FGF21: variants seen among roughly 807,000 people sequenced by gnomAD.
FGF21 encodes fibroblast growth factor 21.
A neutral mutation model predicts 13.4 loss-of-function variants in FGF21; 13 were observed. The observed-to-expected ratio is 0.97, with a 90% CI of 0.63 to 1.54. The LOEUF (loss-of-function observed/expected upper bound fraction) is 1.54. Among genes scored for constraint, FGF21 ranks in the 40% most tolerant of loss-of-function variants. The probability of loss-of-function intolerance (pLI) is 0.00; values close to 1 mark genes in which losing one functional copy is unlikely to be tolerated. For synonymous variants in FGF21, 124 were observed against 123.6 expected (o/e 1.00, Z -0.02); for missense variants, 303 against 272.4 (o/e 1.11, Z -0.79).
chr19:48,758,213 C>T lies in FGF21; in HGVS notation c.623C>T (p.Ala208Val). The change falls in exon 4 of 4, where the codon GCT (alanine) becomes GTT (valine). Residue 208 changes from alanine (A) to valine (V), a missense_variant. By Grantham distance (64) the Ala-to-Val change is moderately conservative (BLOSUM62 0). Transcript: ENST00000593756. ...GPSQGRSPSYAS is the reference protein window; with the variant it reads ...GPSQGRSPSYVS ...TCCCAGGGCCGAAGCCCCAGCTACG[C>T]TTCCTGAAGCCAGAGGCTGTTTACT... 1.2e-6 allele frequency: 2 copies of T among 1,605,390 alleles called. No homozygotes were observed. The highest frequency in any genetic ancestry group is 1.7e-6 in the Non-Finnish European group (2 of 1,177,348).
chr19:48,756,248 C>T lies in FGF21; in HGVS notation c.12C>T (p.Asp4=), dbSNP rs41308770. 272 of 1,613,334 alleles carry T rather than the reference C, an allele frequency of 1.7e-4. 1 individual carries two copies. In the Admixed American group the frequency reaches 2.9e-3, roughly 17 times the overall value. MDS[D]ETGFEHSGLW... is the part of the protein sequence containing the mutation. ...GACCCGAGCCATTGATGGACTCGGA[C>T]GAGACCGGGTTCGAGCACTCAGGAC... is the stretch of plus-strand genomic sequence containing the variant. The change falls in exon 2 of 4, where the codon GAC becomes GAT. Residue 4 remains aspartate (D), a synonymous_variant. Coordinates refer to ENST00000593756, the MANE Select transcript of FGF21 (RefSeq NM_019113.4).
In FGF21 at chr19:48,756,062, A is replaced by G. The variant is rs919670317; in HGVS notation, c.-175A>G. The G allele has an allele frequency of 1.3e-5, 8 of 601,068 alleles. No individual in the cohort carries two copies. Among genetic ancestry groups the G allele is most frequent in the African/African-American group, 3.7e-5 (2 of 53,850 alleles). The allele number at this position is 601,068 out of a possible 1,614,324, so 37.2% of individuals were successfully genotyped here. ...TGGGTATAAATTCTGGAGCTTCTGCATCTATCCCAAAAAACAAGGGTGTTC... is the reference window on the plus strand; with the variant it reads ...TGGGTATAAATTCTGGAGCTTCTGCGTCTATCCCAAAAAACAAGGGTGTTC... On this transcript the variant is annotated 5_prime_UTR_variant, in exon 2 of 4. Transcript: ENST00000593756.
At position 48,757,117 on chromosome 19, in the gene FGF21, C is replaced by A. The variant is rs1048223290; in HGVS notation, c.339+88C>A. 3.5e-4 allele frequency: 340 copies of A among 957,794 alleles called. 1 individual carries two copies. The highest frequency in any genetic ancestry group is 6.8e-5 in the Non-Finnish European group (41 of 606,174). The allele number at this position is 957,794 out of a possible 1,614,324, so 59.3% of individuals were successfully genotyped here. On this transcript the variant is annotated intron_variant, in intron 3 of 3. Coordinates refer to ENST00000593756, the MANE Select transcript of FGF21 (RefSeq NM_019113.4). ...TGGGGTGCCTTGTCTTGCTCATCCC[C>A]CCCGGAGCCAGACTTGATTCTATTT...
In FGF21 at chr19:48,758,054, A is replaced by T. The variant is rs371046094; in HGVS notation, c.464A>T (p.Asp155Val). Residue 155 changes from aspartate to valine, a missense_variant, in exon 4 of 4, where the codon GAC (aspartate) becomes GTC (valine). Coordinates refer to ENST00000593756, the MANE Select transcript of FGF21 (RefSeq NM_019113.4). Reference sequence around the variant, plus strand: ...CCAGGGAACAAGTCCCCACACCGGGACCCTGCACCCCGAGGACCAGCTCGC... The same window carrying T: ...CCAGGGAACAAGTCCCCACACCGGGTCCCTGCACCCCGAGGACCAGCTCGC... Reference protein sequence around the residue: ...HLPGNKSPHRDPAPRGPARFL... With the variant: ...HLPGNKSPHRVPAPRGPARFL... 4 of 1,613,050 alleles carry T rather than the reference A, an allele frequency of 2.5e-6. No individual in the cohort carries two copies. The highest frequency in any genetic ancestry group is 3.4e-6 in the Non-Finnish European group (4 of 1,179,756).
intron 3 of FGF21, 102 bp downstream of exon 3, chr19:48,757,131 T>G (rs1253881440): frequency 4.9e-6 from 4 of 818,752 alleles, no homozygotes; most frequent in Non-Finnish European, 8.2e-6. Context: ...GGAGCCAGAC[T>G]TGATTCTATT....
At chr19:48,756,511 C>T (rs1226869061) in intron 2 of FGF21, 40 bp downstream of exon 2, 2 of 1,569,550 alleles carry the variant, frequency 1.3e-6, no homozygotes, top group African/African-American at 2.7e-5. Flanking sequence ...GGAGGAGGGG[C>T]TGTGGGTCTG....
At chr19:48,757,883 CAGGAAAACAG>C in intron 3 of FGF21, 37 bp from the exon 4 acceptor site, 1 of 1,503,730 alleles carries the variant, frequency 6.7e-7, no homozygotes, top group Non-Finnish European at 8.9e-7. Flanking sequence ...GGTCTTACAT[CAGGAAAACAG>C]AGGAACCCTG....
rs147466868 is a variant in FGF21, at chr19:48,757,966, C to T, written c.376C>T (p.Leu126=). The change falls in exon 4 of 4, where the codon CTG becomes TTG. Residue 126 remains leucine (L), a synonymous_variant. Transcript: ENST00000593756. ...FDPEACSFRE[L]LLEDGYNVYQ... ...CCCTGAGGCCTGCAGCTTCCGGGAG[C>T]TGCTTCTTGAGGACGGATACAATGT... The T allele has an allele frequency of 4.4e-6, 7 of 1,592,578 alleles. No homozygotes were observed. In the African/African-American group the frequency reaches 9.4e-5, roughly 21 times the overall value.
chr19:48,756,450 G>C lies in FGF21; in HGVS notation c.214G>C (p.Ala72Pro). Reference sequence around the variant, plus strand: ...CAGGGAGGATGGGACGGTGGGGGGCGCTGCTGACCAGAGCCCCGAAAGTGA... The same window carrying C: ...CAGGGAGGATGGGACGGTGGGGGGCCCTGCTGACCAGAGCCCCGAAAGTGA... ...EIREDGTVGGAADQSPESLLQ... is the reference protein window; with the variant it reads ...EIREDGTVGGPADQSPESLLQ... The change falls in exon 2 of 4, where the codon GCT (alanine) becomes CCT (proline). Residue 72 changes from alanine (A) to proline (P), a missense_variant. Physicochemically the swap from Ala to Pro is conservative, Grantham distance 27. Coordinates refer to ENST00000593756, the MANE Select transcript of FGF21 (RefSeq NM_019113.4). The C allele has an allele frequency of 6.2e-7, 1 of 1,613,058 alleles. No individual in the cohort carries two copies. The highest frequency in any genetic ancestry group is 8.5e-7 in the Non-Finnish European group (1 of 1,179,854).
intron 2 of FGF21, among the ~76,000 whole-genome samples, 179 bp from the exon 3 acceptor site, chr19:48,756,747 T>A (rs2034109228): frequency 6.6e-6 from 1 of 150,490 alleles, no homozygotes; most frequent in Non-Finnish European, 1.5e-5. Flanking sequence ...TCCTGGACTC[T>A]TGGGTCTGAG....
In FGF21 at chr19:48,757,745, G is replaced by A. The variant is rs906399441; in HGVS notation, c.340-185G>A. ...GAACCCCGGGTCTGAGGGAGGAGGCGCTGGGGGCCTGGACTCCTGGGTCGG... is the reference window on the plus strand; with the variant it reads ...GAACCCCGGGTCTGAGGGAGGAGGCACTGGGGGCCTGGACTCCTGGGTCGG... On this transcript the variant is annotated intron_variant, in intron 3 of 3. Transcript: ENST00000593756. Among the ~76,000 whole-genome samples the A allele has an allele frequency of 7.5e-4, 111 of 147,976 alleles. 2 individuals are homozygous for A. Among genetic ancestry groups the A allele is most frequent in the Non-Finnish European group, 2.9e-4 (19 of 66,448 alleles).
intron 3 of FGF21, 84 bp downstream of exon 3, chr19:48,757,113 T>TCC: frequency 9.9e-7 from 1 of 1,006,444 alleles, no homozygotes; most frequent in Non-Finnish European, 1.5e-6. Flanking sequence ...GTCTTGCTCA[T>TCC]CCCCCCCGGA....
rs1330288937 is a variant in FGF21 at position 48,756,425 on chromosome 19, C to A, written c.189C>A (p.Ile63=). The A allele has an allele frequency of 6.2e-7, 1 of 1,613,660 alleles. No individual in the cohort carries two copies. The highest frequency in any genetic ancestry group is 8.5e-7 in the Non-Finnish European group (1 of 1,180,026). The change falls in exon 2 of 4, where the codon ATC becomes ATA. Residue 63 remains isoleucine, a synonymous_variant. Transcript: ENST00000593756. ...AGCAGACAGAAGCCCACCTGGAGAT[C>A]AGGGAGGATGGGACGGTGGGGGGCG... The part of the protein sequence containing the change: ...DAQQTEAHLE[I]REDGTVGGAA...
At position 48,756,998 on chromosome 19, in the gene FGF21, G is replaced by A. The variant is rs2034115101; in HGVS notation, c.308G>A (p.Cys103Tyr). The change falls in exon 3 of 4, where the codon TGC (cysteine) becomes TAC (tyrosine). Residue 103 changes from cysteine (C) to tyrosine (Y), a missense_variant. Physicochemically the swap from Cys to Tyr is radical, Grantham distance 194. Coordinates refer to ENST00000593756, the MANE Select transcript of FGF21 (RefSeq NM_019113.4). Reference sequence around the variant, plus strand: ...GGAGTCAAGACATCCAGGTTCCTGTGCCAGCGGCCAGATGGGGCCCTGTAT... The same window carrying A: ...GGAGTCAAGACATCCAGGTTCCTGTACCAGCGGCCAGATGGGGCCCTGTAT... ...ILGVKTSRFL[C>Y]QRPDGALYGS... The A allele has an allele frequency of 7.4e-6, 12 of 1,614,084 alleles. No homozygotes were observed. Among genetic ancestry groups the A allele is most frequent in the East Asian group, 4.5e-5 (2 of 44,868 alleles).
chr19:48,758,010 C>G lies in FGF21; in HGVS notation c.420C>G (p.His140Gln). The G allele has an allele frequency of 6.2e-7, 1 of 1,612,528 alleles. No homozygotes were observed. The highest frequency in any genetic ancestry group is 8.5e-7 in the Non-Finnish European group (1 of 1,179,270). Residue 140 changes from histidine (H) to glutamine (Q), a missense_variant, in exon 4 of 4, where the codon CAC (histidine) becomes CAG (glutamine). His to Gln is a conservative substitution (Grantham distance 24). Transcript: ENST00000593756. ...DGYNVYQSEAHGLPLHLPGNK... is the reference protein window; with the variant it reads ...DGYNVYQSEAQGLPLHLPGNK... ...ACAATGTTTACCAGTCCGAAGCCCA[C>G]GGCCTCCCGCTGCACCTGCCAGGGA...
chr19:48,756,386 C>T lies in FGF21; in HGVS notation c.150C>T (p.Tyr50=), dbSNP rs779402704. 6.8e-6 allele frequency: 11 copies of T among 1,613,920 alleles called. No individual in the cohort carries two copies. The East Asian group carries it at 1.1e-4, about 16-fold the overall frequency. ...FGGQVRQRYL[Y]TDDAQQTEAH... ...GCCAAGTCCGGCAGCGGTACCTCTA[C>T]ACAGATGATGCCCAGCAGACAGAAG... The change falls in exon 2 of 4, where the codon TAC becomes TAT. Residue 50 remains tyrosine, a synonymous_variant. Coordinates refer to ENST00000593756, the MANE Select transcript of FGF21 (RefSeq NM_019113.4).
chr19:48,756,205 C>A lies in FGF21; in HGVS notation c.-32C>A, dbSNP rs779209926. The A allele has an allele frequency of 2.5e-6, 4 of 1,579,164 alleles. No individual in the cohort carries two copies. Among genetic ancestry groups the A allele is most frequent in the Non-Finnish European group, 3.5e-6 (4 of 1,151,518 alleles). The stretch of plus-strand genomic sequence containing the variant: ...ACCACTCAGCTTCTCCGAGCTCACA[C>A]CCCGGAGATCACCTGAGGACCCGAG... On this transcript the variant is annotated 5_prime_UTR_variant, in exon 2 of 4. Coordinates refer to ENST00000593756, the MANE Select transcript of FGF21 (RefSeq NM_019113.4).
Position 48,757,962 on chromosome 19 carries a change from G to A in FGF21, c.372G>A (p.Arg124=). 6.3e-7 allele frequency: 1 copy of A among 1,590,336 alleles called. No homozygotes were observed. Among genetic ancestry groups the A allele is most frequent in the African/African-American group, 1.3e-5 (1 of 74,232 alleles). Residue 124 remains arginine, a synonymous_variant, in exon 4 of 4, where the codon CGG becomes CGA. Coordinates refer to ENST00000593756, the MANE Select transcript of FGF21 (RefSeq NM_019113.4). ...LHFDPEACSF[R]ELLLEDGYNV... ...TTGACCCTGAGGCCTGCAGCTTCCG[G>A]GAGCTGCTTCTTGAGGACGGATACA...
chr19:48,757,247 T>C (rs76300512), intron 3 of FGF21, among the ~76,000 whole-genome samples: 1 of 152,322 alleles, frequency 6.6e-6, no homozygotes, highest in East Asian at 1.9e-4. Flanking sequence ...ACCTCAATCA[T>C]GTGATGTGTG....
Sources: allele counts gnomAD v4.1 joint callset (sites outside exome capture counted in the v4.1 genomes callset), GRCh38; gene constraint gnomAD v4.1.1; transcripts MANE v1.5; gene names NCBI Gene and HGNC (gene_info 2026-07-23, HGNC 2026-07-21).